ADGRG1: variants seen among roughly 807,000 people sequenced by gnomAD.
ADGRG1 encodes adhesion G protein-coupled receptor G1.
A neutral mutation model predicts 73.5 loss-of-function variants in ADGRG1; 53 were observed. The ratio of observed to expected loss-of-function variants is 0.72; its 90% CI spans 0.58 to 0.91. The LOEUF is 0.91. ADGRG1 is among the 40% of genes least tolerant of loss of function. The probability of loss-of-function intolerance (pLI) is 0.00; values close to 1 mark genes in which losing one functional copy is unlikely to be tolerated. For synonymous variants in ADGRG1, 394 were observed against 374.4 expected, an observed-to-expected ratio of 1.05 and a Z score of -0.60; for missense variants, 795 against 871.8, an observed-to-expected ratio of 0.91 and a Z score of 1.11.
chr16:57,645,027 T>G (rs2042217182), intron 1 of ADGRG1: 4 of 964,134 alleles, frequency 4.1e-6, no homozygotes, highest in Non-Finnish European at 4.9e-6. Context: ...CACACACTCA[T>G]CACACACTCA....
At position 57,653,986 on chromosome 16, in the gene ADGRG1, G is replaced by A. The variant is rs202000184; in HGVS notation, c.621G>A (p.Gln207=). Residue 207 remains glutamine (Q), a splice_region_variant and synonymous_variant, in exon 5 of 14, where the codon CAG becomes CAA. Transcript: ENST00000562631. ...SRRPSAAPAS[Q]QLQSLESKLT... ...ACCACCGCTTTCTCCTCCCTGCCAG[G>A]CAGTTGCAGAGCCTGGAGTCGAAAC... The A allele has an allele frequency of 1.8e-5, 29 of 1,613,790 alleles. No individual in the cohort carries two copies. Among genetic ancestry groups the A allele is most frequent in the Admixed American group, 6.7e-5 (4 of 60,002 alleles).
chr16:57,653,913 G>C, intron 4 of ADGRG1, 73 bp from the exon 5 acceptor site: 1 of 1,607,614 alleles, frequency 6.2e-7, no homozygotes, highest in Non-Finnish European at 8.5e-7. Flanking sequence ...TGAGTCTCTC[G>C]TCCTCCTGCC....
chr16:57,637,073 CA>C (rs2039541746), intron 1 of ADGRG1, among the ~76,000 whole-genome samples: 1 of 152,086 alleles, frequency 6.6e-6, no homozygotes. Context: ...TGTCTGAGGA[CA>C]GAAGTCTAGA....
In ADGRG1 at chr16:57,659,603, A is replaced by G. The variant is rs1425241219; in HGVS notation, c.1477A>G (p.Asn493Asp). Residue 493 changes from asparagine (N) to aspartate (D), a missense_variant, in exon 11 of 14, where the codon AAC becomes GAC. Physicochemically the swap from Asn to Asp is conservative, Grantham distance 23. Coordinates refer to ENST00000562631, the MANE Select transcript of ADGRG1 (RefSeq NM_201525.4). ...TTCCTGGATGGGCCTCGAGGGGTACAACCTCTACCGACTCGTGGTGGAGGT... is the reference window on the plus strand; with the variant it reads ...TTCCTGGATGGGCCTCGAGGGGTACGACCTCTACCGACTCGTGGTGGAGGT... ...CLSWMGLEGY[N>D]LYRLVVEVFG... is the part of the protein sequence containing the mutation. The G allele has an allele frequency of 6.2e-7, 1 of 1,613,948 alleles. No homozygotes were observed. The highest frequency in any genetic ancestry group is 1.7e-5 in the Admixed American group (1 of 60,020).
At position 57,639,580 on chromosome 16, in the gene ADGRG1, C is replaced by T. The variant is rs3760062; in HGVS notation, c.-35-10673C>T. On this transcript the variant is annotated intron_variant, in intron 1 of 13. Coordinates refer to ENST00000562631, the MANE Select transcript of ADGRG1 (RefSeq NM_201525.4). Reference sequence around the variant, plus strand: ...TCGGGGGACATTGACCCACCAGCCCCGCAGGCTACTGCCTGCAAACAAGAA... The same window carrying T: ...TCGGGGGACATTGACCCACCAGCCCTGCAGGCTACTGCCTGCAAACAAGAA... 5.2e-3 allele frequency: 5,086 copies of T among 985,012 alleles called. 274 individuals are homozygous for T. In the East Asian group the frequency reaches 0.21, roughly 41 times the overall value. The allele number at this position is 985,012 out of a possible 1,614,324, so 61.0% of individuals were successfully genotyped here. A position where few individuals can be genotyped will look rare whatever the true frequency, so the allele number is the denominator to read the frequency against.
chr16:57,628,535 C>A (rs76737622), upstream of ADGRG1: 4 of 985,512 alleles, frequency 4.1e-6, no homozygotes, highest in South Asian at 4.7e-5. Flanking sequence ...ATATATCGTC[C>A]GTCATCCCCA....
intron 1 of ADGRG1, chr16:57,642,835 A>G (rs2041198824): frequency 1.3e-5 from 2 of 158,204 alleles, no homozygotes; most frequent in Non-Finnish European, 2.7e-5. Context: ...CTTGGGCATT[A>G]CTTAACCTCT....
chr16:57,652,727 C>G, intron 3 of ADGRG1: 6 of 1,012,202 alleles, frequency 5.9e-6, no homozygotes, highest in Non-Finnish European at 5.9e-6. Context: ...CACTGTTTGT[C>G]TTCCTCATCT....
At position 57,661,916 on chromosome 16, in the gene ADGRG1, C is replaced by T. The variant is rs1182415573; in HGVS notation, c.1884C>T (p.Thr628=). ...ALIFFSFASG[T]FQLVVLYLFS... Reference sequence around the variant, plus strand: ...TCTTCTTCTCCTTTGCTTCTGGCACCTTCCAGCTTGTCGTCCTCTACCTTT... The same window carrying T: ...TCTTCTTCTCCTTTGCTTCTGGCACTTTCCAGCTTGTCGTCCTCTACCTTT... Residue 628 remains threonine (T), a synonymous_variant, in exon 13 of 14, where the codon ACC becomes ACT. Coordinates refer to ENST00000562631, the MANE Select transcript of ADGRG1 (RefSeq NM_201525.4). 2 of 1,614,272 alleles carry T rather than the reference C, an allele frequency of 1.2e-6. No individual in the cohort carries two copies. The highest frequency in any genetic ancestry group is 1.1e-5 in the South Asian group (1 of 91,090).
chr16:57,656,306 T>C, intron 8 of ADGRG1, 35 bp downstream of exon 8: 1 of 1,402,410 alleles, frequency 7.1e-7, no homozygotes, highest in South Asian at 1.1e-5. Flanking sequence ...TGGACAAGTA[T>C]CTGGAAGAGA....
At chr16:57,662,219 AC>A (rs1299401343) in intron 13 of ADGRG1, among the ~76,000 whole-genome samples, 25 of 152,206 alleles carry the variant, frequency 1.6e-4, no homozygotes, top group Non-Finnish European at 3.4e-4. Context: ...ACTCAGCTCT[AC>A]TGGGGAAGAC....
intron 3 of ADGRG1, 66 bp from the exon 4 acceptor site, chr16:57,653,137 C>T (rs1284589244): frequency 6.3e-7 from 1 of 1,598,170 alleles, no homozygotes; most frequent in Non-Finnish European, 8.5e-7. Context: ...TGGTAGGGGG[C>T]AGAATGGGAG....
intron 1 of ADGRG1, chr16:57,634,984 C>T (rs1408901887): frequency 1.0e-6 from 1 of 985,244 alleles, no homozygotes; most frequent in African/African-American, 1.7e-5. Context: ...TTCAGAGACC[C>T]CTGTCCATGT....
upstream of ADGRG1, chr16:57,624,211 C>A: frequency 2.0e-6 from 2 of 977,842 alleles, no homozygotes; most frequent in African/African-American, 1.7e-5. Flanking sequence ...AAAATACCCA[C>A]CTCTGAGGCT....
intron 1 of ADGRG1, chr16:57,643,941 G>T (rs1185563978): frequency 1.0e-6 from 1 of 984,008 alleles, no homozygotes; most frequent in Non-Finnish European, 1.2e-6. Flanking sequence ...GTGCCACCTG[G>T]GTCTGACAGG....
intron 4 of ADGRG1, 51 bp from the exon 5 acceptor site, chr16:57,653,935 G>A: frequency 6.2e-7 from 1 of 1,611,544 alleles, no homozygotes. Flanking sequence ...CAGTCTCCCT[G>A]GTGGCCCGGC....
At position 57,661,892 on chromosome 16, in the gene ADGRG1, C is replaced by A. The variant is rs794727125; in HGVS notation, c.1860C>A (p.Ile620=). 2 of 1,614,124 alleles carry A rather than the reference C, an allele frequency of 1.2e-6. No homozygotes were observed. Among genetic ancestry groups the A allele is most frequent in the Non-Finnish European group, 8.5e-7 (1 of 1,180,046 alleles). ...TCCTTGGCCTGCCCTGGGCCTTGATCTTCTTCTCCTTTGCTTCTGGCACCT... is the reference window on the plus strand; with the variant it reads ...TCCTTGGCCTGCCCTGGGCCTTGATATTCTTCTCCTTTGCTTCTGGCACCT... ...SLVLGLPWAL[I]FFSFASGTFQ... is the part of the protein sequence containing the mutation. Residue 620 remains isoleucine (I), a synonymous_variant, in exon 13 of 14, where the codon ATC becomes ATA. Transcript: ENST00000562631.
chr16:57,656,369 G>A, intron 8 of ADGRG1, 98 bp downstream of exon 8: 1 of 1,611,166 alleles, frequency 6.2e-7, no homozygotes, highest in Non-Finnish European at 8.5e-7. Context: ...GGGCTTCCTG[G>A]AGAAAGGAGG....
intron 1 of ADGRG1, chr16:57,637,194 A>G: frequency 2.4e-6 from 1 of 408,376 alleles, no homozygotes; most frequent in Non-Finnish European, 3.3e-6. Context: ...CTGCTCCCTG[A>G]GCCTCAGTTC....
Sources: gnomAD v4.1 joint callset for allele counts (sites outside exome capture counted in the v4.1 genomes callset) on GRCh38, gnomAD v4.1.1 for gene constraint, MANE v1.5 for transcripts, NCBI Gene and HGNC (gene_info 2026-07-23, HGNC 2026-07-21) for gene names.